The following FNDC3B variants were observed in gnomAD, a reference collection of about 807,000 sequenced individuals.
FNDC3B encodes the protein fibronectin type III domain containing 3B, also known as fibronectin type III domain-containing protein 3B.
FNDC3B carries 12 observed loss-of-function variants against 151.5 expected under a neutral mutation model. That is an observed-to-expected ratio of 0.08 (90% CI 0.05 to 0.13). The LOEUF (loss-of-function observed/expected upper bound fraction) is 0.13, where lower values mean the gene tolerates loss of function less well. FNDC3B is among the 10% of genes least tolerant of loss of function. FNDC3B has a pLI of 1.00. For synonymous variants in FNDC3B, 528 were observed against 549.0 expected (o/e 0.96, Z 0.54); for missense variants, 1,214 against 1,505.3 (o/e 0.81, Z 3.20).
intron 3 of FNDC3B, among the ~76,000 whole-genome samples, chr3:172,185,131 A>G (rs576677291): frequency 1.4e-4 from 22 of 152,372 alleles, no homozygotes; most frequent in African/African-American, 4.8e-4. Context: ...ACATTGGTCT[A>G]TTAATAACAC....
intron 3 of FNDC3B, 71 bp downstream of exon 3, chr3:172,133,617 G>T: frequency 9.6e-7 from 1 of 1,046,562 alleles, no homozygotes; most frequent in Non-Finnish European, 1.5e-6. Flanking sequence ...ATGTTTTTCT[G>T]TGTGTGTCTG....
intron 3 of FNDC3B, among the ~76,000 whole-genome samples, chr3:172,141,140 A>AT (rs746735913): frequency 1.1e-4 from 13 of 117,152 alleles, no homozygotes; most frequent in Non-Finnish European, 2.1e-4. Context: ...AGCTTTACTG[A>AT]TTTTTCCCCC....
intron 4 of FNDC3B, among the ~76,000 whole-genome samples, chr3:172,235,116 G>T (rs1447964336): frequency 6.6e-6 from 1 of 152,022 alleles, no homozygotes; most frequent in Non-Finnish European, 1.5e-5. Context: ...TTTTTAAAAG[G>T]TGATACGGTA....
chr3:172,085,970 G>T (rs1316681961), intron 1 of FNDC3B, among the ~76,000 whole-genome samples: 1 of 152,108 alleles, frequency 6.6e-6, no homozygotes, highest in Non-Finnish European at 1.5e-5. Flanking sequence ...TGTAAAGGTG[G>T]CAAAAATTGC....
chr3:172,092,226 C>T (rs937532955), intron 1 of FNDC3B, among the ~76,000 whole-genome samples: 1 of 152,140 alleles, frequency 6.6e-6, no homozygotes, highest in Non-Finnish European at 1.5e-5. Flanking sequence ...ATGGACTCCT[C>T]AGCAAACCTG....
chr3:172,205,033 T>G (rs546783613), intron 3 of FNDC3B, among the ~76,000 whole-genome samples: 16 of 152,284 alleles, frequency 1.1e-4, no homozygotes, highest in African/African-American at 3.6e-4. Flanking sequence ...AGTGGAAAGG[T>G]AGATTTCTGT....
chr3:172,395,013 A>G (rs767120119), intron 25 of FNDC3B, among the ~76,000 whole-genome samples: 2 of 152,168 alleles, frequency 1.3e-5, no homozygotes, highest in African/African-American at 2.4e-5. Flanking sequence ...TTAGATGCAA[A>G]GAAAGTGTTT....
intron 4 of FNDC3B, among the ~76,000 whole-genome samples, chr3:172,230,762 A>G (rs1236544102): frequency 6.6e-6 from 1 of 152,236 alleles, no homozygotes; most frequent in Non-Finnish European, 1.5e-5. Context: ...AATCAAAACC[A>G]CACTGCAATA....
intron 3 of FNDC3B, among the ~76,000 whole-genome samples, chr3:172,201,275 G>A (rs1275579761): frequency 6.6e-6 from 1 of 152,142 alleles, no homozygotes; most frequent in East Asian, 1.9e-4. Context: ...TGGGGGAAGC[G>A]CAGGGTGGAG....
intron 1 of FNDC3B, among the ~76,000 whole-genome samples, chr3:172,096,554 C>G (rs181161775): frequency 1.6e-3 from 236 of 152,210 alleles, no homozygotes; most frequent in Admixed American, 2.9e-3. Context: ...ACCATCTTCT[C>G]TGAAGTAAAA....
rs1441088348 is a variant in FNDC3B at position 172,352,312 on chromosome 3, T to G, written c.2515-491T>G. 6.6e-6 allele frequency among the ~76,000 whole-genome samples: 1 copy of G among 152,224 alleles called. No individual in the cohort carries two copies. Among genetic ancestry groups the G allele is most frequent in the Non-Finnish European group, 1.5e-5 (1 of 68,042 alleles). On this transcript the variant is annotated intron_variant, in intron 21 of 25. Transcript: ENST00000415807. This position sits in a 1 kb window ranked among gnomAD's most constrained non-coding sequence, Gnocchi z 4.2. ...ACTTCAGGGATGAGTTTATTATTCATGTGGAAGATAGAAGATGCCTTTTCC... is the reference window on the plus strand; with the variant it reads ...ACTTCAGGGATGAGTTTATTATTCAGGTGGAAGATAGAAGATGCCTTTTCC...
chr3:172,214,697 A>T (rs1161573431), intron 3 of FNDC3B, among the ~76,000 whole-genome samples: 1 of 151,836 alleles, frequency 6.6e-6, no homozygotes, highest in Non-Finnish European at 1.5e-5. Flanking sequence ...GATTTTCCTT[A>T]GTAGTTCTAG....
chr3:172,160,365 C>G lies in FNDC3B; in HGVS notation c.187+26819C>G, dbSNP rs1187243288. ...CTGACTTTGCATTTCCCTTGGCTCC[C>G]TCTCTGTGGCTTTGTTCCTCATTTT... On this transcript the variant is annotated intron_variant, in intron 3 of 25. Transcript: ENST00000415807. Among the ~76,000 whole-genome samples the G allele has an allele frequency of 5.3e-5, 8 of 152,314 alleles. No homozygotes were observed. The East Asian group carries it at 1.5e-3, about 29-fold the overall frequency.
intron 8 of FNDC3B, among the ~76,000 whole-genome samples, chr3:172,298,133 A>C (rs1345290357): frequency 6.6e-6 from 1 of 152,234 alleles, no homozygotes; most frequent in Non-Finnish European, 1.5e-5. Flanking sequence ...AGTCACATGC[A>C]CACACACCTT....
intron 3 of FNDC3B, among the ~76,000 whole-genome samples, chr3:172,144,707 CTTTTT>C (rs11328556): frequency 6.7e-6 from 1 of 148,974 alleles, no homozygotes. Flanking sequence ...AAAAGGCAAA[CTTTTT>C]TTTTTTTTAA....
At chr3:172,193,930 C>G (rs532674957) in intron 3 of FNDC3B, among the ~76,000 whole-genome samples, 5 of 152,056 alleles carry the variant, frequency 3.3e-5, no homozygotes, top group Non-Finnish European at 5.9e-5. Context: ...TAAAAATTCT[C>G]TTAGTGGTGG....
At chr3:172,358,300 C>T (rs1734196040) in intron 22 of FNDC3B, among the ~76,000 whole-genome samples, 1 of 152,252 alleles carries the variant, frequency 6.6e-6, no homozygotes, top group South Asian at 2.1e-4. Context: ...AGTTATTTAA[C>T]CTCTCTGCAT....
chr3:172,286,446 G>A (rs1219886807), intron 7 of FNDC3B, among the ~76,000 whole-genome samples: 1 of 152,140 alleles, frequency 6.6e-6, no homozygotes, highest in Non-Finnish European at 1.5e-5. Context: ...AAAAATGGTC[G>A]AAGTGGTGAG....
At chr3:172,322,899 A>G (rs1177510517) in intron 11 of FNDC3B, among the ~76,000 whole-genome samples, 1 of 152,166 alleles carries the variant, frequency 6.6e-6, no homozygotes, top group Non-Finnish European at 1.5e-5. Flanking sequence ...TCCCTTAGTG[A>G]TAAGGGCAGG....
Sources: allele counts gnomAD v4.1 joint callset (sites outside exome capture counted in the v4.1 genomes callset), GRCh38; gene constraint gnomAD v4.1.1; non-coding constraint Gnocchi (gnomAD v3.1); transcripts MANE v1.5; gene names NCBI Gene and HGNC (gene_info 2026-07-23, HGNC 2026-07-21).